The following SNX29 variants were observed in gnomAD, a reference collection of about 807,000 sequenced individuals.
The protein encoded by SNX29 is sorting nexin 29, also known as sorting nexin-29.
Under a neutral mutation model 102.1 loss-of-function variants are expected in SNX29, and 78 were observed. That is an observed-to-expected ratio of 0.76 (90% CI 0.64 to 0.92). The LOEUF (loss-of-function observed/expected upper bound fraction) is 0.92. Ranked by LOEUF, SNX29 falls within the 40% of genes least tolerant of loss-of-function variation. SNX29 has a pLI of 0.00. For synonymous variants in SNX29, 580 were observed against 414.5 expected, an observed-to-expected ratio of 1.40 and a Z score of -4.85; for missense variants, 1,280 against 1,061.7, an observed-to-expected ratio of 1.21 and a Z score of -2.86.
chr16:12,069,038 G>T lies in SNX29; in HGVS notation c.1244-19G>T, dbSNP rs111974832. The T allele has an allele frequency of 0.013, 21,169 of 1,612,078 alleles. 304 individuals carry two copies. The highest frequency in any genetic ancestry group is 0.059 in the South Asian group (5,324 of 90,852). Reference sequence around the variant, plus strand: ...AGTGAGAAAAGTGACCTCTTTCTGTGATTGCTCTCTCTGCACAGATGCCCC... The same window carrying T: ...AGTGAGAAAAGTGACCTCTTTCTGTTATTGCTCTCTCTGCACAGATGCCCC... On this transcript the variant is annotated intron_variant, in intron 9 of 20. Coordinates refer to ENST00000566228, the MANE Select transcript of SNX29 (RefSeq NM_032167.5).
In SNX29 at chr16:12,572,069, G is replaced by C. The variant is rs1397567606; in HGVS notation, c.*3440G>C. 9.4e-7 allele frequency: 1 copy of C among 1,063,660 alleles called. No homozygotes were observed. Among genetic ancestry groups the C allele is most frequent in the East Asian group, 5.0e-5 (1 of 19,874 alleles). The allele number at this position is 1,063,660 out of a possible 1,614,324, so 65.9% of individuals were successfully genotyped here. On this transcript the variant is annotated 3_prime_UTR_variant, in exon 21 of 21. Coordinates refer to ENST00000566228, the MANE Select transcript of SNX29 (RefSeq NM_032167.5). Reference sequence around the variant, plus strand: ...TGTAAACAAGGGAACCATCTTGCAAGATCTAGGAAGAGGAAGGGGAGGGAT... The same window carrying C: ...TGTAAACAAGGGAACCATCTTGCAACATCTAGGAAGAGGAAGGGGAGGGAT...
intron 20 of SNX29, among the ~76,000 whole-genome samples, chr16:12,534,004 C>G (rs927476547): frequency 6.6e-6 from 1 of 152,248 alleles, no homozygotes; most frequent in Non-Finnish European, 1.5e-5. Context: ...CCTTAAAAGC[C>G]TTCCAGGGCA....
intron 13 of SNX29, among the ~76,000 whole-genome samples, chr16:12,179,672 G>T (rs995675929): frequency 6.6e-6 from 1 of 152,178 alleles, no homozygotes; most frequent in African/African-American, 2.4e-5. Flanking sequence ...TAGTCGTTTA[G>T]GTTATTGCAA....
At position 12,190,189 on chromosome 16, in the gene SNX29, AC is replaced by A. The variant is rs2076607188; in HGVS notation, c.1596-9409del. ...CCATCCTCTGACCACATCTGGAAGGACCCTGGCCTAGTGCTGGAGGGTAGAG... is the reference window on the plus strand; with the variant it reads ...CCATCCTCTGACCACATCTGGAAGGACCTGGCCTAGTGCTGGAGGGTAGAG... On this transcript the variant is annotated intron_variant, in intron 13 of 20. Coordinates refer to ENST00000566228, the MANE Select transcript of SNX29 (RefSeq NM_032167.5). Among the ~76,000 whole-genome samples the A allele has an allele frequency of 2.0e-5, 3 of 152,100 alleles. No homozygotes were observed. In the South Asian group the frequency reaches 6.3e-4, roughly 32 times the overall value.
chr16:12,570,112 G>A lies in SNX29; in HGVS notation c.*1483G>A, dbSNP rs1291796883. The A allele has an allele frequency of 9.8e-7, 1 of 1,018,024 alleles. No homozygotes were observed. Among genetic ancestry groups the A allele is most frequent in the African/African-American group, 1.7e-5 (1 of 60,088 alleles). 63.1% of individuals were successfully genotyped at this position (1,018,024 alleles called of 1,614,324 possible). On this transcript the variant is annotated 3_prime_UTR_variant, in exon 21 of 21. Transcript: ENST00000566228. Reference sequence around the variant, plus strand: ...GCCTTCCCCTCGTAGCAAAAAGGAAGATTGTTCATGGCCTTTAAGGAAGGC... The same window carrying A: ...GCCTTCCCCTCGTAGCAAAAAGGAAAATTGTTCATGGCCTTTAAGGAAGGC...
At chr16:12,276,124 C>T (rs2079243303) in intron 14 of SNX29, among the ~76,000 whole-genome samples, 1 of 152,080 alleles carries the variant, frequency 6.6e-6, no homozygotes. Flanking sequence ...GACTCCTGAC[C>T]TCAAGTGATC....
intron 15 of SNX29, among the ~76,000 whole-genome samples, chr16:12,352,904 G>T (rs1173924250): frequency 6.6e-6 from 1 of 152,192 alleles, no homozygotes; most frequent in Non-Finnish European, 1.5e-5. Context: ...AACAACTGAG[G>T]ATAGAAGGAA....
chr16:12,339,088 C>A (rs1473356249), intron 15 of SNX29, among the ~76,000 whole-genome samples: 5 of 152,142 alleles, frequency 3.3e-5, no homozygotes, highest in Non-Finnish European at 7.3e-5. Context: ...TAAGTGGCAG[C>A]CGGGCATGGT....
chr16:12,225,801 TA>T (rs111489385), intron 14 of SNX29, among the ~76,000 whole-genome samples: 6,118 of 152,212 alleles, frequency 0.04, 438 homozygotes, highest in African/African-American at 0.14. Context: ...CCTCATGTGT[TA>T]AAAAAATGTG....
chr16:12,553,068 A>C (rs2078088611), intron 20 of SNX29, among the ~76,000 whole-genome samples: 1 of 152,226 alleles, frequency 6.6e-6, no homozygotes, highest in Admixed American at 6.5e-5. Flanking sequence ...ACTGCAAAGC[A>C]ACACTCACCT....
At chr16:12,198,303 C>T (rs973527688) in intron 13 of SNX29, among the ~76,000 whole-genome samples, 1 of 151,760 alleles carries the variant, frequency 6.6e-6, no homozygotes, top group East Asian at 1.9e-4. Flanking sequence ...GTGTATCATC[C>T]CCCTAAAATT....
At chr16:12,146,576 A>T (rs2055074978) in intron 13 of SNX29, among the ~76,000 whole-genome samples, 1 of 152,132 alleles carries the variant, frequency 6.6e-6, no homozygotes, top group Non-Finnish European at 1.5e-5. Flanking sequence ...AAGAGATATG[A>T]ATGTTTTCAT....
chr16:12,100,282 G>T (rs985136119), intron 11 of SNX29, among the ~76,000 whole-genome samples: 6 of 152,184 alleles, frequency 3.9e-5, no homozygotes, highest in Non-Finnish European at 7.3e-5. Context: ...GCTGTCCTGT[G>T]CATTGTAGGA....
chr16:12,052,534 T>C (rs1250185711), intron 8 of SNX29: 4 of 334,592 alleles, frequency 1.2e-5, no homozygotes, highest in Non-Finnish European at 2.3e-5. Flanking sequence ...GCACTTTTAA[T>C]GAGGGGGTTA....
chr16:12,209,306 T>A (rs1388799436), intron 14 of SNX29, among the ~76,000 whole-genome samples: 3 of 152,154 alleles, frequency 2.0e-5, no homozygotes, highest in Non-Finnish European at 2.9e-5. Flanking sequence ...TCTCTTACCT[T>A]AGCCTCCCAG....
chr16:12,092,821 C>G (rs1050726226), intron 11 of SNX29, among the ~76,000 whole-genome samples: 4 of 152,220 alleles, frequency 2.6e-5, no homozygotes, highest in African/African-American at 9.6e-5. Context: ...AGGTGTCTTC[C>G]TTTCCCCCTT....
chr16:12,467,620 G>A (rs528532130), intron 18 of SNX29, among the ~76,000 whole-genome samples: 9 of 116,470 alleles, frequency 7.7e-5, no homozygotes, highest in Admixed American at 3.0e-4. Context: ...TTGTTCGTTC[G>A]TTAGTTCGTT....
intron 18 of SNX29, among the ~76,000 whole-genome samples, chr16:12,440,011 C>T (rs747820496): frequency 4.6e-5 from 7 of 152,162 alleles, no homozygotes; most frequent in African/African-American, 7.2e-5. Flanking sequence ...CCTGGAATTG[C>T]GTGGCCTTGG....
intron 20 of SNX29, among the ~76,000 whole-genome samples, chr16:12,548,080 A>G (rs545544160): frequency 6.6e-6 from 1 of 152,332 alleles, no homozygotes; most frequent in East Asian, 1.9e-4. Context: ...GCATGACATA[A>G]AAAGATGTTG....
Sources: gnomAD v4.1 joint callset for allele counts (sites outside exome capture counted in the v4.1 genomes callset) on GRCh38, gnomAD v4.1.1 for gene constraint, MANE v1.5 for transcripts, NCBI Gene and HGNC (gene_info 2026-07-23, HGNC 2026-07-21) for gene names.